The following MPP4 variants were observed in gnomAD, a reference collection of about 807,000 sequenced individuals.
The protein encoded by MPP4 is MAGUK p55 subfamily member 4.
In MPP4, 91 loss-of-function variants were observed where a neutral mutation model predicts 98.3. That is an observed-to-expected ratio of 0.93 (90% CI 0.78 to 1.10). The LOEUF (loss-of-function observed/expected upper bound fraction) is 1.10. Among genes scored for constraint, MPP4 ranks in the 50% least tolerant of loss-of-function variants. The pLI, the probability that MPP4 is intolerant of heterozygous loss-of-function variation, is 0.00. For missense variants in MPP4, 744 were observed against 792.9 expected (o/e 0.94, Z 0.74); for synonymous variants, 261 against 271.8 (o/e 0.96, Z 0.39).
At chr2:201,675,035 A>G in intron 11 of MPP4, 172 bp downstream of exon 11, 1 of 799,744 alleles carries the variant, frequency 1.3e-6, no homozygotes, top group Non-Finnish European at 2.1e-6. Flanking sequence ...CCCTCCCCAA[A>G]CTACCTTTGA....
intron 1 of MPP4, among the ~76,000 whole-genome samples, chr2:201,697,683 C>G (rs566502078): frequency 6.6e-6 from 1 of 152,196 alleles, no homozygotes; most frequent in East Asian, 1.9e-4. Flanking sequence ...GAGGCCTGTG[C>G]CCTCCCTTCC....
In MPP4 at chr2:201,680,885, G is replaced by A. The variant is rs1436814139; in HGVS notation, c.882C>T (p.Asp294=). 16 of 1,613,660 alleles carry A rather than the reference G, an allele frequency of 9.9e-6. No individual in the cohort carries two copies. Among genetic ancestry groups the A allele is most frequent in the Non-Finnish European group, 1.3e-5 (15 of 1,179,794 alleles). Residue 294 remains aspartate, a synonymous_variant, in exon 10 of 22, where the codon GAC becomes GAT. Transcript: ENST00000409474. ...GGACAAGCCCAGCGCAGGTAGCAGGGTCTGAGATTTTTCGGGCCTGCCACC... is the reference window on the plus strand; with the variant it reads ...GGACAAGCCCAGCGCAGGTAGCAGGATCTGAGATTTTTCGGGCCTGCCACC... ...ALWWQARKIS[D]PATCAGLVPS...
intron 10 of MPP4, chr2:201,680,512 C>G: frequency 9.2e-6 from 2 of 216,628 alleles, no homozygotes; most frequent in Non-Finnish European, 1.9e-5. Context: ...GGCCCCGCCT[C>G]TTAATACTAT....
At chr2:201,690,309 T>C (rs774841442) in intron 3 of MPP4, 30 bp from the exon 4 acceptor site, 7 of 1,426,610 alleles carry the variant, frequency 4.9e-6, no homozygotes, top group African/African-American at 4.2e-5. Context: ...GGAGAATTGA[T>C]ATTGATAATA....
chr2:201,654,472 G>A (rs1175358794), intron 18 of MPP4, among the ~76,000 whole-genome samples: 1 of 152,130 alleles, frequency 6.6e-6, no homozygotes, highest in Non-Finnish European at 1.5e-5. Context: ...GACTGTTGTG[G>A]GGTAGGGGGA....
intron 1 of MPP4, among the ~76,000 whole-genome samples, chr2:201,697,050 G>T (rs1260887176): frequency 6.6e-6 from 1 of 152,130 alleles, no homozygotes; most frequent in Non-Finnish European, 1.5e-5. Context: ...TGAGGTAGAG[G>T]CCTCAAGATG....
chr2:201,663,231 G>A (rs1332996104), intron 14 of MPP4, among the ~76,000 whole-genome samples: 2 of 152,098 alleles, frequency 1.3e-5, no homozygotes, highest in African/African-American at 2.4e-5. Flanking sequence ...TATTTGTAAC[G>A]AGTTTTGTCC....
At position 201,692,935 on chromosome 2, in the gene MPP4, G is replaced by A. The variant is rs1411550673; in HGVS notation, c.174C>T (p.His58=). The A allele has an allele frequency of 6.2e-7, 1 of 1,611,160 alleles. No individual in the cohort carries two copies. Among genetic ancestry groups the A allele is most frequent in the South Asian group, 1.1e-5 (1 of 90,302 alleles). ...TTAGCAGAGCCTGAAGCCACGGCGA[G>A]TGGAGGAGATCGTACAAGAGACACA... ...NGVCLLYDLL[H]SPWLQALLKI... is the part of the protein sequence containing the mutation. The change falls in exon 3 of 22, where the codon CAC becomes CAT. Residue 58 remains histidine, a synonymous_variant. Coordinates refer to ENST00000409474, the MANE Select transcript of MPP4 (RefSeq NM_033066.3).
chr2:201,678,912 C>T (rs763887990), intron 10 of MPP4, among the ~76,000 whole-genome samples: 2 of 152,086 alleles, frequency 1.3e-5, no homozygotes, highest in African/African-American at 2.4e-5. Flanking sequence ...TACAAATGTC[C>T]CTTTCAGCAC....
intron 14 of MPP4, among the ~76,000 whole-genome samples, chr2:201,663,289 C>T (rs1177024100): frequency 1.3e-5 from 2 of 152,152 alleles, no homozygotes; most frequent in Non-Finnish European, 2.9e-5. Context: ...CAGTTAAAGG[C>T]CAGGAGTATC....
rs372490544 is a variant in MPP4 at position 201,645,358 on chromosome 2, G to C, written c.1766C>G (p.Thr589Ser). 5.6e-6 allele frequency: 9 copies of C among 1,613,896 alleles called. No individual in the cohort carries two copies. The highest frequency in any genetic ancestry group is 7.6e-6 in the Non-Finnish European group (9 of 1,179,858). The change falls in exon 22 of 22, where the codon ACT (threonine) becomes AGT (serine). Residue 589 changes from threonine (T) to serine (S), a missense_variant. Thr to Ser is a moderately conservative substitution (Grantham distance 58). Transcript: ENST00000409474. ...ATGATCAAAAAATTGGCCAAACTGA[G>C]TTTCCATTCTTTGGGCTAAATTTTC... The part of the protein sequence containing the change: ...EMENLAQRME[T>S]QFGQFFDHVI...
intron 18 of MPP4, chr2:201,651,209 A>G (rs984113443): frequency 1.0e-5 from 10 of 985,352 alleles, no homozygotes; most frequent in African/African-American, 1.7e-5. Context: ...GATCAAGTAG[A>G]AGCTAGAAAC....
chr2:201,656,173 AG>A (rs1239513692), intron 17 of MPP4, 24 bp downstream of exon 17: 1 of 1,572,888 alleles, frequency 6.4e-7, no homozygotes, highest in African/African-American at 1.3e-5. Context: ...AAGGAGGAGG[AG>A]AGACAGTGCA....
intron 18 of MPP4, among the ~76,000 whole-genome samples, chr2:201,652,707 C>T (rs894857724): frequency 2.6e-5 from 4 of 152,162 alleles, no homozygotes; most frequent in African/African-American, 4.8e-5. Context: ...AGAAGCCAGA[C>T]GAGAGCCAGA....
chr2:201,655,594 C>T (rs1339096862), intron 17 of MPP4, among the ~76,000 whole-genome samples: 1 of 152,186 alleles, frequency 6.6e-6, no homozygotes, highest in Non-Finnish European at 1.5e-5. Flanking sequence ...ACCTGCCTTG[C>T]TCATGAAGCT....
chr2:201,647,326 G>A (rs72613729), intron 21 of MPP4, among the ~76,000 whole-genome samples: 10,247 of 151,740 alleles, frequency 0.068, 916 homozygotes, highest in East Asian at 0.36. Context: ...TGCAAACTAC[G>A]GCTCAAGGAT....
chr2:201,657,601 G>GTTTTTTTTTTTTTTTTTTT (rs1393900511), intron 16 of MPP4, among the ~76,000 whole-genome samples: 13 of 104,994 alleles, frequency 1.2e-4, no homozygotes, highest in African/African-American at 2.7e-4. Context: ...TTTTTTTTTT[G>GTTTTTTTTTTTTTTTTTTT]TTTTTTTGTT....
chr2:201,646,693 GAA>G (rs1397636401), intron 21 of MPP4: 1 of 152,160 alleles, frequency 6.6e-6, no homozygotes, highest in Non-Finnish European at 1.5e-5. Context: ...AATAATAAGA[GAA>G]AGGATAATTT....
chr2:201,672,917 A>C (rs374819205), intron 11 of MPP4, among the ~76,000 whole-genome samples: 121 of 152,264 alleles, frequency 7.9e-4, no homozygotes, highest in South Asian at 2.1e-3. Flanking sequence ...CACACACACA[A>C]AAAAAATTTC....
Sources: gnomAD v4.1 joint callset for allele counts (sites outside exome capture counted in the v4.1 genomes callset) on GRCh38, gnomAD v4.1.1 for gene constraint, MANE v1.5 for transcripts, NCBI Gene and HGNC (gene_info 2026-07-23, HGNC 2026-07-21) for gene names.